Variants in CASK observed in about 807,000 individuals in gnomAD.
The protein encoded by CASK is calcium/calmodulin dependent serine protein kinase.
Under a neutral mutation model 82.9 loss-of-function variants are expected in CASK, and 4 were observed. The observed-to-expected ratio is 0.05, with a 90% CI of 0.02 to 0.11. The LOEUF is 0.11. Ranked by LOEUF, CASK falls within the 10% of genes least tolerant of loss-of-function variation. CASK has a pLI of 1.00. For synonymous variants in CASK, 259 were observed against 253.5 expected (o/e 1.02, Z -0.20); for missense variants, 358 against 720.9 (o/e 0.50, Z 5.76).
At chrX:41,832,796 A>G (rs1317046794) in intron 2 of CASK, among the ~76,000 whole-genome samples, 1 of 112,377 alleles carries the variant, frequency 8.9e-6, no homozygotes, top group Non-Finnish European at 1.9e-5. Context: ...CAACAGCCCT[A>G]TAACTCATGC....
At chrX:41,793,620 G>A (rs1385498264) in intron 2 of CASK, among the ~76,000 whole-genome samples, 2 of 111,843 alleles carry the variant, frequency 1.8e-5, no homozygotes, top group Admixed American at 9.5e-5. Flanking sequence ...AACAAAATTC[G>A]CTAAGAGCTG....
intron 5 of CASK, among the ~76,000 whole-genome samples, chrX:41,715,469 A>C (rs1301992725): frequency 9.0e-6 from 1 of 110,731 alleles, no homozygotes; most frequent in African/African-American, 3.3e-5. Context: ...AAAATACAAA[A>C]TAATTAGCTG....
chrX:41,916,352 C>T (rs912221548), intron 1 of CASK, among the ~76,000 whole-genome samples: 1 of 111,795 alleles, frequency 8.9e-6, no homozygotes. Context: ...AAGTCAGAGA[C>T]TCTATACTGA....
At chrX:41,691,481 T>C (rs2067557699) in intron 5 of CASK, among the ~76,000 whole-genome samples, 1 of 111,355 alleles carries the variant, frequency 9.0e-6, no homozygotes, top group African/African-American at 3.3e-5. Context: ...GCTGACCCTA[T>C]GTGATAAGGA....
intron 7 of CASK, among the ~76,000 whole-genome samples, chrX:41,663,587 G>A (rs201076240): frequency 8.0e-5 from 9 of 111,969 alleles, no homozygotes; most frequent in South Asian, 3.7e-4. Context: ...AAAAATAGAC[G>A]AAATAAAATA....
intron 2 of CASK, among the ~76,000 whole-genome samples, chrX:41,824,067 A>G (rs773668056): frequency 8.9e-6 from 1 of 112,081 alleles, no homozygotes; most frequent in East Asian, 2.8e-4. Flanking sequence ...ACCCTTTGAT[A>G]GTATCCATTT....
chrX:41,797,264 C>T (rs776012629), intron 2 of CASK, among the ~76,000 whole-genome samples: 1 of 109,849 alleles, frequency 9.1e-6, no homozygotes, highest in South Asian at 4.0e-4. Context: ...TGCTCTCTGT[C>T]CCCTGACAAA....
At chrX:41,654,723 G>A (rs1354249979) in intron 8 of CASK, among the ~76,000 whole-genome samples, 4 of 111,564 alleles carry the variant, frequency 3.6e-5, no homozygotes, top group African/African-American at 1.3e-4. Context: ...AGTGGAAATC[G>A]ATGGGGTTAA....
Position 41,693,754 on chromosome X carries a change from G to A in CASK, c.430-22224C>T, listed in dbSNP as rs756083673. On this transcript the variant is annotated intron_variant, in intron 5 of 26. Transcript: ENST00000378163. Reference sequence around the variant, plus strand: ...GACAGACTAGACTCAGTCCTTCCCCGCTCCCTTCCTTTCTCCCTCCACTTT... The same window carrying A: ...GACAGACTAGACTCAGTCCTTCCCCACTCCCTTCCTTTCTCCCTCCACTTT... Among the ~76,000 whole-genome samples the A allele has an allele frequency of 2.4e-3, 265 of 111,516 alleles. 1 individual carries two copies. Among genetic ancestry groups the A allele is most frequent in the Non-Finnish European group, 4.5e-3 (241 of 53,051 alleles).
intron 14 of CASK, among the ~76,000 whole-genome samples, chrX:41,580,010 C>G (rs2065549116): frequency 9.0e-6 from 1 of 111,419 alleles, no homozygotes; most frequent in Non-Finnish European, 1.9e-5. Flanking sequence ...GGGCACTAAG[C>G]AATATATAGC....
chrX:41,769,549 C>T (rs996769710), intron 3 of CASK, among the ~76,000 whole-genome samples: 1 of 110,951 alleles, frequency 9.0e-6, no homozygotes, highest in Non-Finnish European at 1.9e-5. Flanking sequence ...AGACTTGCAA[C>T]CCGGCTTTAC....
intron 11 of CASK, 85 bp downstream of exon 11, chrX:41,622,532 A>G: frequency 1.3e-6 from 1 of 782,454 alleles, no homozygotes; most frequent in East Asian, 3.5e-5. Flanking sequence ...CAGCCAAGGA[A>G]AAAGTCAAGC....
intron 3 of CASK, among the ~76,000 whole-genome samples, chrX:41,764,805 C>A (rs1569439105): frequency 1.9e-5 from 2 of 107,496 alleles, no homozygotes; most frequent in African/African-American, 6.8e-5. Flanking sequence ...ATACTGTAGC[C>A]AAAAAAAAAC....
intron 15 of CASK, among the ~76,000 whole-genome samples, chrX:41,574,198 T>C (rs1005353230): frequency 9.0e-6 from 1 of 110,946 alleles, no homozygotes; most frequent in Non-Finnish European, 1.9e-5. Flanking sequence ...CTATGAACTC[T>C]AGTTGCTTTG....
intron 6 of CASK, among the ~76,000 whole-genome samples, chrX:41,670,359 T>C (rs1202112854): frequency 8.9e-6 from 1 of 112,446 alleles, no homozygotes; most frequent in South Asian, 3.7e-4. Context: ...TGCATATTAT[T>C]GGAAATGATT....
chrX:41,637,185 T>G (rs764103971), intron 8 of CASK, among the ~76,000 whole-genome samples: 2 of 108,664 alleles, frequency 1.8e-5, no homozygotes, highest in East Asian at 5.8e-4. Context: ...ACTCCTGAGC[T>G]CAAGCGATCC....
At chrX:41,866,845 G>T (rs1027546820) in intron 1 of CASK, among the ~76,000 whole-genome samples, 3 of 110,886 alleles carry the variant, frequency 2.7e-5, no homozygotes, top group Non-Finnish European at 5.7e-5. Flanking sequence ...AGAATTTTAG[G>T]GTCTCAAACA....
intron 4 of CASK, 94 bp from the exon 5 acceptor site, chrX:41,739,550 T>C: frequency 1.7e-6 from 1 of 571,997 alleles, no homozygotes; most frequent in Non-Finnish European, 3.0e-6. Flanking sequence ...CACTCTCATA[T>C]TAGCTGTCCA....
intron 2 of CASK, among the ~76,000 whole-genome samples, chrX:41,796,332 C>T (rs1390555436): frequency 1.8e-5 from 2 of 112,670 alleles, no homozygotes; most frequent in East Asian, 5.6e-4. Context: ...TGAGAGTGCA[C>T]ATGCACAATA....
Sources: allele counts gnomAD v4.1 joint callset (sites outside exome capture counted in the v4.1 genomes callset), GRCh38; gene constraint gnomAD v4.1.1; transcripts MANE v1.5; gene names NCBI Gene and HGNC (gene_info 2026-07-23, HGNC 2026-07-21).